Variants in TPST1 observed in about 807,000 individuals in gnomAD.
TPST1 encodes the protein tyrosylprotein sulfotransferase 1.
A neutral mutation model predicts 34.8 loss-of-function variants in TPST1; 20 were observed. The ratio of observed to expected loss-of-function variants is 0.57; its 90% CI spans 0.40 to 0.84. The LOEUF (loss-of-function observed/expected upper bound fraction) is 0.84, where lower values mean the gene tolerates loss of function less well. Among genes scored for constraint, TPST1 ranks in the 40% least tolerant of loss-of-function variants. The probability of loss-of-function intolerance (pLI) is 0.00; values close to 1 mark genes in which losing one functional copy is unlikely to be tolerated. For missense variants in TPST1, 353 were observed against 455.5 expected (o/e 0.78, Z 2.05); for synonymous variants, 152 against 159.4 (o/e 0.95, Z 0.35).
At chr7:66,324,243 G>C (rs1791816167) in intron 3 of TPST1, among the ~76,000 whole-genome samples, 4 of 152,076 alleles carry the variant, frequency 2.6e-5, no homozygotes, top group Admixed American at 2.0e-4. Context: ...TATCAGGGGT[G>C]GGGTATGATT....
At chr7:66,267,104 C>T (rs1381782102) in intron 2 of TPST1, among the ~76,000 whole-genome samples, 1 of 152,068 alleles carries the variant, frequency 6.6e-6, no homozygotes, top group Non-Finnish European at 1.5e-5. Flanking sequence ...ATAATATTAT[C>T]AAGTTCAATC....
At chr7:66,274,290 G>A (rs1001172196) in intron 2 of TPST1, among the ~76,000 whole-genome samples, 2 of 151,710 alleles carry the variant, frequency 1.3e-5, no homozygotes, top group Non-Finnish European at 2.9e-5. Context: ...GCGTGAACCC[G>A]GGAGGTGGAG....
chr7:66,304,649 A>C (rs762480081), intron 3 of TPST1, among the ~76,000 whole-genome samples: 3 of 152,222 alleles, frequency 2.0e-5, no homozygotes, highest in Non-Finnish European at 4.4e-5. Context: ...TGTTGTAACT[A>C]TCGCTTAGCA....
chr7:66,274,990 C>T (rs1214040728), intron 2 of TPST1, among the ~76,000 whole-genome samples: 1 of 151,988 alleles, frequency 6.6e-6, no homozygotes, highest in Non-Finnish European at 1.5e-5. Flanking sequence ...GTCAGGAGGT[C>T]GAGACCATGC....
chr7:66,200,797 G>T (rs778505703), upstream of TPST1, among the ~76,000 whole-genome samples: 6 of 151,760 alleles, frequency 4.0e-5, no homozygotes, highest in Non-Finnish European at 8.8e-5. Context: ...CACAGTCTCC[G>T]CTCACCGCAG....
chr7:66,352,674 G>C lies in TPST1; in HGVS notation c.1095+119G>C, dbSNP rs1355426935. 6 of 1,530,310 alleles carry C rather than the reference G, an allele frequency of 3.9e-6. No homozygotes were observed. In the African/African-American group the frequency reaches 8.5e-5, roughly 22 times the overall value. 94.8% of individuals were successfully genotyped at this position (1,530,310 alleles called of 1,614,324 possible). ...AACAAGAAAACCAAAAAGAAAAGAA[G>C]AAAAGGGATAGTGATATGTGCTGGG... On this transcript the variant is annotated intron_variant, in intron 4 of 5. Transcript: ENST00000304842.
intron 2 of TPST1, among the ~76,000 whole-genome samples, chr7:66,260,640 T>A (rs907734449): frequency 3.3e-5 from 5 of 152,208 alleles, no homozygotes; most frequent in Admixed American, 2.0e-4. Context: ...TTGCTGGATA[T>A]TTTTTGTTTG....
chr7:66,335,307 T>C (rs1460161257), intron 3 of TPST1, among the ~76,000 whole-genome samples: 1 of 151,854 alleles, frequency 6.6e-6, no homozygotes, highest in Non-Finnish European at 1.5e-5. Context: ...AAAACAAAAG[T>C]TAGCTGCATG....
chr7:66,267,995 C>T (rs1790625789), intron 2 of TPST1, among the ~76,000 whole-genome samples: 1 of 151,918 alleles, frequency 6.6e-6, no homozygotes, highest in African/African-American at 2.4e-5. Context: ...ATCTATCACC[C>T]AGGCTGGAGT....
intron 2 of TPST1, among the ~76,000 whole-genome samples, chr7:66,242,964 A>G (rs188497858): frequency 9.8e-5 from 15 of 152,338 alleles, no homozygotes; most frequent in Non-Finnish European, 1.9e-4. Flanking sequence ...AAAAATTAAC[A>G]TGTCACAATC....
At chr7:66,232,200 AATT>A (rs1562805864) in intron 1 of TPST1, among the ~76,000 whole-genome samples, 3 of 127,674 alleles carry the variant, frequency 2.3e-5, no homozygotes, top group Admixed American at 7.8e-5. Context: ...TATTAAAAAA[AATT>A]TTTTTTTTTT....
intron 3 of TPST1, among the ~76,000 whole-genome samples, chr7:66,342,658 C>T (rs1469670224): frequency 1.3e-5 from 2 of 152,098 alleles, no homozygotes; most frequent in African/African-American, 4.8e-5. Flanking sequence ...GAAGCTTTCC[C>T]TTATGGTGGA....
intron 3 of TPST1, among the ~76,000 whole-genome samples, chr7:66,330,952 C>G (rs1350459946): frequency 6.6e-6 from 1 of 152,176 alleles, no homozygotes; most frequent in Non-Finnish European, 1.5e-5. Context: ...GTTCAGGAAT[C>G]CAGGCAAAGC....
chr7:66,349,899 C>A (rs1028859412), intron 3 of TPST1, among the ~76,000 whole-genome samples: 1 of 152,196 alleles, frequency 6.6e-6, no homozygotes, highest in Non-Finnish European at 1.5e-5. Context: ...GACCCACAGA[C>A]AATAGGCAGG....
intron 2 of TPST1, among the ~76,000 whole-genome samples, chr7:66,276,731 T>C (rs975844594): frequency 6.6e-6 from 1 of 152,142 alleles, no homozygotes; most frequent in African/African-American, 2.4e-5. Flanking sequence ...ATTTCTAATA[T>C]GATTTATGTA....
intron 2 of TPST1, among the ~76,000 whole-genome samples, chr7:66,278,484 T>TA (rs1465942824): frequency 6.6e-6 from 1 of 151,634 alleles, no homozygotes; most frequent in African/African-American, 2.4e-5. Flanking sequence ...CAGCATGAGG[T>TA]AAAAAAAGAA....
At position 66,284,360 on chromosome 7, in the gene TPST1, AT is replaced by A. The variant is rs5884584; in HGVS notation, c.846-2143del. Among the ~76,000 whole-genome samples, 213 of 151,336 alleles carry A rather than the reference AT, an allele frequency of 1.4e-3. 1 individual carries two copies. Among genetic ancestry groups the A allele is most frequent in the African/African-American group, 4.5e-3 (184 of 41,270 alleles). The stretch of plus-strand genomic sequence containing the variant: ...GACCTTCTGATTACTATTAATTTAC[AT>A]TTTTTTTATTGTTCTCTACATGTCA... On this transcript the variant is annotated intron_variant, in intron 2 of 5. Coordinates refer to ENST00000304842, the MANE Select transcript of TPST1 (RefSeq NM_003596.4).
chr7:66,199,662 G>A, the TPST1 span, among the ~76,000 whole-genome samples: 68 of 150,096 alleles, frequency 4.5e-4, no homozygotes, highest in East Asian at 9.5e-3. Flanking sequence ...TCTTCCCTCC[G>A]TGCCAGACCC....
chr7:66,331,705 G>A (rs1791998280), intron 3 of TPST1, among the ~76,000 whole-genome samples: 1 of 152,002 alleles, frequency 6.6e-6, no homozygotes, highest in Non-Finnish European at 1.5e-5. Flanking sequence ...AAAACTTAAG[G>A]CTTCTGTCTG....
Sources: allele counts gnomAD v4.1 joint callset (sites outside exome capture counted in the v4.1 genomes callset), GRCh38; gene constraint gnomAD v4.1.1; transcripts MANE v1.5; gene names NCBI Gene and HGNC (gene_info 2026-07-23, HGNC 2026-07-21).